The following THSD7A variants were observed in gnomAD, a reference collection of about 807,000 sequenced individuals.
THSD7A encodes the protein thrombospondin type 1 domain containing 7A.
THSD7A carries 96 observed loss-of-function variants against 231.3 expected under a neutral mutation model. That is an observed-to-expected ratio of 0.41 (90% confidence interval 0.35 to 0.49). The LOEUF (loss-of-function observed/expected upper bound fraction) is 0.49, where lower values mean the gene tolerates loss of function less well. Among genes scored for constraint, THSD7A ranks in the 20% least tolerant of loss-of-function variants. The pLI, the probability that THSD7A is intolerant of heterozygous loss-of-function variation, is 0.05. For synonymous variants in THSD7A, 940 were observed against 743.3 expected, an observed-to-expected ratio of 1.26 and a Z score of -4.30; for missense variants, 2,290 against 2,070.2, an observed-to-expected ratio of 1.11 and a Z score of -2.06.
chr7:11,526,135 C>T (rs1274466921), intron 6 of THSD7A, among the ~76,000 whole-genome samples: 1 of 152,136 alleles, frequency 6.6e-6, no homozygotes, highest in African/African-American at 2.4e-5. Context: ...GAAACAGTCT[C>T]TTGAACCTGG....
intron 19 of THSD7A, chr7:11,410,391 G>A (rs184968470): frequency 1.4e-3 from 212 of 152,262 alleles, no homozygotes; most frequent in African/African-American, 4.8e-3. Flanking sequence ...GACACATGGT[G>A]TCTGTGTATA....
In THSD7A at chr7:11,374,345, T is replaced by C. The variant is rs958394799; in HGVS notation, c.*1449A>G. On this transcript the variant is annotated 3_prime_UTR_variant, in exon 28 of 28. Coordinates refer to ENST00000423059, the MANE Select transcript of THSD7A (RefSeq NM_015204.3). Reference sequence around the variant, plus strand: ...TGCCACTCTTGCTCTAGATATGCAATGAAGTCTTGGATAAGATATTTATTC... The same window carrying C: ...TGCCACTCTTGCTCTAGATATGCAACGAAGTCTTGGATAAGATATTTATTC... 3 of 152,160 alleles carry C rather than the reference T, an allele frequency of 2.0e-5. No homozygotes were observed. Among genetic ancestry groups the C allele is most frequent in the African/African-American group, 7.2e-5 (3 of 41,464 alleles). 9.4% of individuals were successfully genotyped at this position (152,160 alleles called of 1,614,324 possible).
At chr7:11,405,454 C>T (rs1783551277) in intron 22 of THSD7A, among the ~76,000 whole-genome samples, 1 of 151,900 alleles carries the variant, frequency 6.6e-6, no homozygotes, top group Admixed American at 6.6e-5. Flanking sequence ...ACAAATTTTC[C>T]ACTTGGGGAT....
intron 4 of THSD7A, among the ~76,000 whole-genome samples, chr7:11,547,761 C>A (rs558508038): frequency 6.6e-6 from 1 of 152,350 alleles, no homozygotes; most frequent in East Asian, 1.9e-4. Context: ...TTCTGAATGA[C>A]TTTTGGGTAA....
chr7:11,656,392 C>G (rs1322876125), intron 1 of THSD7A, among the ~76,000 whole-genome samples: 1 of 151,814 alleles, frequency 6.6e-6, no homozygotes, highest in Non-Finnish European at 1.5e-5. Context: ...TGCTCATTGT[C>G]TGCTAAGGTA....
chr7:11,704,737 T>A (rs1194612683), intron 1 of THSD7A, among the ~76,000 whole-genome samples: 1 of 151,076 alleles, frequency 6.6e-6, no homozygotes, highest in Non-Finnish European at 1.5e-5. Flanking sequence ...CCCCCAAAAC[T>A]GCCCATAGCT....
rs1052190052 is a variant in THSD7A at position 11,374,210 on chromosome 7, T to C, written c.*1584A>G. 1.3e-5 allele frequency: 2 copies of C among 152,146 alleles called. No homozygotes were observed. Among genetic ancestry groups the C allele is most frequent in the East Asian group, 1.9e-4 (1 of 5,200 alleles). The allele number at this position is 152,146 out of a possible 1,614,324, so 9.4% of individuals were successfully genotyped here. A position where few individuals can be genotyped will look rare whatever the true frequency, so the allele number is the denominator to read the frequency against. On this transcript the variant is annotated 3_prime_UTR_variant, in exon 28 of 28. Transcript: ENST00000423059. ...GGGAAGTTATATAGGAAAACAGTTA[T>C]GTTCATTCTTTTATTTACTAAGATT...
intron 1 of THSD7A, among the ~76,000 whole-genome samples, chr7:11,755,602 G>A (rs938831763): frequency 2.0e-5 from 3 of 152,010 alleles, no homozygotes; most frequent in South Asian, 2.1e-4. Context: ...AGCACAGGTC[G>A]AGGAAGTCTC....
chr7:11,772,510 G>C (rs1483975858), intron 1 of THSD7A, among the ~76,000 whole-genome samples: 1 of 151,802 alleles, frequency 6.6e-6, no homozygotes, highest in Non-Finnish European at 1.5e-5. Context: ...AAGAAAATGT[G>C]GTACATATAC....
intron 9 of THSD7A, among the ~76,000 whole-genome samples, chr7:11,467,869 T>C (rs1313975027): frequency 2.0e-5 from 3 of 151,886 alleles, no homozygotes. Context: ...CCTGGATACA[T>C]TCCAATATCC....
At chr7:11,643,619 A>T (rs1439344333) in intron 1 of THSD7A, among the ~76,000 whole-genome samples, 1 of 151,658 alleles carries the variant, frequency 6.6e-6, no homozygotes, top group Non-Finnish European at 1.5e-5. Flanking sequence ...ACACACACAC[A>T]CACAGATTGA....
At chr7:11,375,996 G>T in intron 27 of THSD7A, 118 bp from the exon 28 acceptor site, 3 of 820,884 alleles carry the variant, frequency 3.7e-6, no homozygotes, top group Non-Finnish European at 6.0e-6. Context: ...CGTTGCCTGC[G>T]TTGCCTAAAG....
intron 2 of THSD7A, among the ~76,000 whole-genome samples, chr7:11,628,251 C>T (rs1235842637): frequency 6.6e-6 from 1 of 152,112 alleles, no homozygotes; most frequent in East Asian, 1.9e-4. Context: ...TATAGGTTTC[C>T]AAGACCTTTA....
chr7:11,384,167 C>G (rs1036302848), intron 23 of THSD7A: 10 of 151,554 alleles, frequency 6.6e-5, no homozygotes, highest in Non-Finnish European at 1.3e-4. Flanking sequence ...TATAAGTTTT[C>G]TATTTTTAAA....
Position 11,810,282 on chromosome 7 carries a change from T to A in THSD7A, c.190+21475A>T, listed in dbSNP as rs550590908. On this transcript the variant is annotated intron_variant, in intron 1 of 27. Transcript: ENST00000423059. The stretch of plus-strand genomic sequence containing the variant: ...GTCTCTGTGCCTTCGCCATGTGATG[T>A]CCCTTCATCTCTCACCTCTCAGAGT... Among the ~76,000 whole-genome samples, 106 of 152,266 alleles carry A rather than the reference T, an allele frequency of 7.0e-4. 2 individuals are homozygous for A. In the South Asian group the frequency reaches 0.012, roughly 18 times the overall value.
At chr7:11,530,998 A>G (rs1788686946) in intron 6 of THSD7A, among the ~76,000 whole-genome samples, 1 of 152,132 alleles carries the variant, frequency 6.6e-6, no homozygotes, top group Non-Finnish European at 1.5e-5. Flanking sequence ...GTGACAGACC[A>G]AGACTCTGTC....
At chr7:11,757,514 C>A (rs1287511268) in intron 1 of THSD7A, among the ~76,000 whole-genome samples, 3 of 152,004 alleles carry the variant, frequency 2.0e-5, no homozygotes, top group Non-Finnish European at 2.9e-5. Context: ...AGTTACAGAT[C>A]TAGCCCTGTA....
intron 23 of THSD7A, among the ~76,000 whole-genome samples, chr7:11,394,986 AT>A (rs1295332462): frequency 6.6e-6 from 1 of 152,212 alleles, no homozygotes; most frequent in African/African-American, 2.4e-5. Flanking sequence ...TTAAATGTAA[AT>A]GGGCTAAATG....
At chr7:11,707,873 ACTTT>A (rs1267564779) in intron 1 of THSD7A, among the ~76,000 whole-genome samples, 4 of 150,826 alleles carry the variant, frequency 2.7e-5, no homozygotes, top group Non-Finnish European at 6.0e-5. Context: ...TATCTTTTCT[ACTTT>A]CTTTTTTTTT....
Sources: gnomAD v4.1 joint callset for allele counts (sites outside exome capture counted in the v4.1 genomes callset) on GRCh38, gnomAD v4.1.1 for gene constraint, MANE v1.5 for transcripts, NCBI Gene and HGNC (gene_info 2026-07-23, HGNC 2026-07-21) for gene names.